CD1C: variants seen among roughly 807,000 people sequenced by gnomAD.
CD1C encodes T-cell surface glycoprotein CD1c.
CD1C carries 47 observed loss-of-function variants against 39.4 expected under a neutral mutation model. The observed-to-expected ratio is 1.19, with a 90% CI of 0.94 to 1.52. The LOEUF (loss-of-function observed/expected upper bound fraction) is 1.52. Ranked by LOEUF, CD1C falls within the 40% of genes most tolerant of loss-of-function variation. The probability of loss-of-function intolerance (pLI) is 0.00; values close to 1 mark genes in which losing one functional copy is unlikely to be tolerated. For synonymous variants in CD1C, 165 were observed against 150.8 expected, an observed-to-expected ratio of 1.09 and a Z score of -0.69; for missense variants, 417 against 395.2, an observed-to-expected ratio of 1.06 and a Z score of -0.47.
At position 158,294,253 on chromosome 1, in the gene CD1C, A is replaced by G. The variant is rs1651156400; in HGVS notation, c.*777A>G. Among the ~76,000 whole-genome samples the G allele has an allele frequency of 6.6e-6, 1 of 152,254 alleles. No homozygotes were observed. The highest frequency in any genetic ancestry group is 1.5e-5 in the Non-Finnish European group (1 of 68,036). On this transcript the variant is annotated 3_prime_UTR_variant, in exon 6 of 6. Coordinates refer to ENST00000368170, the MANE Select transcript of CD1C (RefSeq NM_001765.3). ...GGGATCAAGGCAACCGTTGTGCTGTATATGGAAGACAAATTTCCTAAAGGA... is the reference window on the plus strand; with the variant it reads ...GGGATCAAGGCAACCGTTGTGCTGTGTATGGAAGACAAATTTCCTAAAGGA...
intron 4 of CD1C, 152 bp from the exon 5 acceptor site, chr1:158,293,060 T>A: frequency 1.2e-6 from 1 of 865,934 alleles, no homozygotes; most frequent in Non-Finnish European, 1.8e-6. Context: ...AAATGAGGAA[T>A]CCTTCCTTGA....
chr1:158,294,701 C>T lies in CD1C; in HGVS notation c.*1225C>T, dbSNP rs1323486761. Reference sequence around the variant, plus strand: ...TGGCATTCTTGCAACTACTGATATACTTTATGTCACTTAAGCTTAAACTTG... The same window carrying T: ...TGGCATTCTTGCAACTACTGATATATTTTATGTCACTTAAGCTTAAACTTG... On this transcript the variant is annotated 3_prime_UTR_variant, in exon 6 of 6. Transcript: ENST00000368170. Among the ~76,000 whole-genome samples the T allele has an allele frequency of 1.3e-5, 2 of 152,182 alleles. No individual in the cohort carries two copies. Among genetic ancestry groups the T allele is most frequent in the African/African-American group, 4.8e-5 (2 of 41,442 alleles).
Position 158,293,607 on chromosome 1 carries a change from T to TA in CD1C, c.*136dup, listed in dbSNP as rs778658743. 7.5e-6 allele frequency: 12 copies of TA among 1,604,456 alleles called. No individual in the cohort carries two copies. The South Asian group carries it at 1.2e-4, about 16-fold the overall frequency. ...TTTCTGCATAATAAACATTTGTTAA[T>TA]AAAAACCAAATTCTAATTTGGAATG... On this transcript the variant is annotated 3_prime_UTR_variant, in exon 6 of 6. Transcript: ENST00000368170.
Position 158,292,669 on chromosome 1 carries a change from C to T in CD1C, c.684C>T (p.Ser228=), listed in dbSNP as rs3138103. 4.0e-3 allele frequency: 6,505 copies of T among 1,613,886 alleles called. 22 individuals carry two copies. The highest frequency in any genetic ancestry group is 5.0e-3 in the Non-Finnish European group (5,903 of 1,180,030). ...SGQLLLVCHA[S]GFYPKPVWVT... ...AGCTGTTGCTGGTTTGTCATGCCTC[C>T]GGCTTCTACCCAAAGCCTGTTTGGG... Residue 228 remains serine (S), a synonymous_variant, in exon 4 of 6, where the codon TCC becomes TCT. Transcript: ENST00000368170.
At position 158,292,833 on chromosome 1, in the gene CD1C, G is replaced by T. The variant is rs139069182; in HGVS notation, c.848G>T (p.Arg283Ile). 1.2e-6 allele frequency: 2 copies of T among 1,614,100 alleles called. No individual in the cohort carries two copies. The highest frequency in any genetic ancestry group is 1.7e-5 in the Admixed American group (1 of 60,004). ...CCTGCTGGCCTGTCTTGTCGAGTGA[G>T]ACACAGCAGTCTAGGAGGCCAGGAC... is the stretch of plus-strand genomic sequence containing the variant. ...EEPAGLSCRV[R>I]HSSLGGQDII... The change falls in exon 4 of 6, where the codon AGA becomes ATA. Residue 283 changes from arginine (R) to isoleucine (I), a missense_variant. Coordinates refer to ENST00000368170, the MANE Select transcript of CD1C (RefSeq NM_001765.3).
chr1:158,292,200 T>C lies in CD1C; in HGVS notation c.445T>C (p.Trp149Arg), dbSNP rs375298399. 12 of 1,614,082 alleles carry C rather than the reference T, an allele frequency of 7.4e-6. No homozygotes were observed. The highest frequency in any genetic ancestry group is 7.6e-6 in the Non-Finnish European group (9 of 1,180,040). ...TTTACTGAGTTTCCAGAATACAACA[T>C]GGGTGCCATCTCCAGGCTGTGGAAG... is the stretch of plus-strand genomic sequence containing the variant. ...LDLLSFQNTT[W>R]VPSPGCGSLA... The change falls in exon 3 of 6, where the codon TGG (tryptophan) becomes CGG (arginine). Residue 149 changes from tryptophan (W) to arginine (R), a missense_variant. Physicochemically the swap from Trp to Arg is moderately radical, Grantham distance 101. Coordinates refer to ENST00000368170, the MANE Select transcript of CD1C (RefSeq NM_001765.3).
intron 1 of CD1C, among the ~76,000 whole-genome samples, chr1:158,290,326 G>A (rs1650990741): frequency 6.6e-6 from 1 of 152,148 alleles, no homozygotes; most frequent in South Asian, 2.1e-4. Flanking sequence ...AGTCATTAAT[G>A]TTTCTCTGTG....
intron 3 of CD1C, 112 bp downstream of exon 3, chr1:158,292,477 G>A (rs1044747673): frequency 1.3e-6 from 2 of 1,486,942 alleles, no homozygotes; most frequent in Non-Finnish European, 1.8e-6. Flanking sequence ...GGGGGTTGCT[G>A]GGTAATAGTT....
In CD1C at chr1:158,292,069, C is replaced by T. The variant is rs754153474; in HGVS notation, c.329-15C>T. The stretch of plus-strand genomic sequence containing the variant: ...TTTTGTTTGAACTCTTTTTCTCATT[C>T]CTCCCTTCCTCCAGATCCCTTTGAA... On this transcript the variant is annotated splice_polypyrimidine_tract_variant and intron_variant, in intron 2 of 5. Transcript: ENST00000368170. 1.7e-5 allele frequency: 27 copies of T among 1,594,912 alleles called. No homozygotes were observed. Among genetic ancestry groups the T allele is most frequent in the Non-Finnish European group, 2.3e-5 (27 of 1,173,616 alleles).
In CD1C at chr1:158,293,483, TC is replaced by T; in HGVS notation, c.*12del. ...ATATCAGGACATCCTGTGAGACTCT[TC>T]CCCCTGACTCCCCCATTGTGTTAAG... On this transcript the variant is annotated 3_prime_UTR_variant, in exon 6 of 6. Coordinates refer to ENST00000368170, the MANE Select transcript of CD1C (RefSeq NM_001765.3). 22 of 1,614,050 alleles carry T rather than the reference TC, an allele frequency of 1.4e-5. No homozygotes were observed. Among genetic ancestry groups the T allele is most frequent in the Non-Finnish European group, 1.8e-5 (21 of 1,179,986 alleles).
intron 1 of CD1C, among the ~76,000 whole-genome samples, chr1:158,290,828 G>C (rs1052167058): frequency 6.6e-6 from 1 of 152,178 alleles, no homozygotes; most frequent in African/African-American, 2.4e-5. Context: ...TGACAATGCA[G>C]ATAGTATGAA....
chr1:158,291,802 G>C (rs181911285), intron 2 of CD1C, among the ~76,000 whole-genome samples: 323 of 151,982 alleles, frequency 2.1e-3, no homozygotes, highest in African/African-American at 7.6e-3. Flanking sequence ...CCTCACAAAG[G>C]CTCCCCCTTC....
chr1:158,290,804 C>T lies in CD1C; in HGVS notation c.62-330C>T, dbSNP rs1651006394. 2.6e-5 allele frequency among the ~76,000 whole-genome samples: 4 copies of T among 152,316 alleles called. No homozygotes were observed. In the South Asian group the frequency reaches 8.3e-4, roughly 32 times the overall value. On this transcript the variant is annotated intron_variant, in intron 1 of 5. Coordinates refer to ENST00000368170, the MANE Select transcript of CD1C (RefSeq NM_001765.3). ...TCTGTAGTTTCCGCTGCTAGTTCTT[C>T]TCCTCCCCGGTGGTGACAATGCAGA...
chr1:158,293,263 T>C lies in CD1C; in HGVS notation c.941T>C (p.Val314Ala). Residue 314 changes from valine (V) to alanine (A), a missense_variant, in exon 5 of 6, where the codon GTG (valine) becomes GCG (alanine). Val to Ala is a moderately conservative substitution (Grantham distance 64). Transcript: ENST00000368170. The stretch of plus-strand genomic sequence containing the variant: ...GCCTTGGTAGTGATAGTGCCCTTGG[T>C]GATTCTAATAGTCCTTGTGTTATGG... ...WIALVVIVPLVILIVLVLWFK... is the reference protein window; with the variant it reads ...WIALVVIVPLAILIVLVLWFK... 6.8e-6 allele frequency: 11 copies of C among 1,614,170 alleles called. No individual in the cohort carries two copies. The highest frequency in any genetic ancestry group is 9.3e-6 in the Non-Finnish European group (11 of 1,179,998).
chr1:158,292,022 T>A, intron 2 of CD1C, 62 bp from the exon 3 acceptor site: 2 of 1,520,530 alleles, frequency 1.3e-6, no homozygotes, highest in Non-Finnish European at 1.8e-6. Flanking sequence ...AGCCCTAGGT[T>A]TTTATACTGT....
chr1:158,294,755 A>G lies in CD1C; in HGVS notation c.*1279A>G, dbSNP rs1557803282. ...TTTCTATGATTTTATTAAGATGGAA[A>G]TAAACATATCTACTTGGTATTGCCT... On this transcript the variant is annotated 3_prime_UTR_variant, in exon 6 of 6. Coordinates refer to ENST00000368170, the MANE Select transcript of CD1C (RefSeq NM_001765.3). Among the ~76,000 whole-genome samples the G allele has an allele frequency of 6.6e-6, 1 of 152,236 alleles. No individual in the cohort carries two copies. Among genetic ancestry groups the G allele is most frequent in the Non-Finnish European group, 1.5e-5 (1 of 68,034 alleles).
In CD1C at chr1:158,293,917, T is replaced by C. The variant is rs1651144728; in HGVS notation, c.*441T>C. On this transcript the variant is annotated 3_prime_UTR_variant, in exon 6 of 6. Transcript: ENST00000368170. ...CATATCTAAGTTGGATTAACTGTCA[T>C]GTTGACAATTTTTCTCATTATATTC... Among the ~76,000 whole-genome samples, 1 of 152,232 alleles carries C rather than the reference T, an allele frequency of 6.6e-6. No homozygotes were observed. Among genetic ancestry groups the C allele is most frequent in the South Asian group, 2.1e-4 (1 of 4,834 alleles).
chr1:158,292,494 A>G, intron 3 of CD1C, 102 bp from the exon 4 acceptor site: 2 of 1,491,258 alleles, frequency 1.3e-6, no homozygotes, highest in South Asian at 1.3e-5. Context: ...AGTTTCTTAG[A>G]GGCAGGAAAA....
chr1:158,293,714 T>C lies in CD1C; in HGVS notation c.*238T>C. 2 of 947,642 alleles carry C rather than the reference T, an allele frequency of 2.1e-6. No homozygotes were observed. The highest frequency in any genetic ancestry group is 3.2e-6 in the Non-Finnish European group (2 of 627,526). The allele number at this position is 947,642 out of a possible 1,614,324, so 58.7% of individuals were successfully genotyped here. On this transcript the variant is annotated 3_prime_UTR_variant, in exon 6 of 6. Transcript: ENST00000368170. ...ATGTCATTTCCTCCAACGATCTTCCTTGACCCATACTGAACCCAGAGAGCC... is the reference window on the plus strand; with the variant it reads ...ATGTCATTTCCTCCAACGATCTTCCCTGACCCATACTGAACCCAGAGAGCC...
Sources: gnomAD v4.1 joint callset for allele counts (sites outside exome capture counted in the v4.1 genomes callset) on GRCh38, gnomAD v4.1.1 for gene constraint, MANE v1.5 for transcripts, NCBI Gene and HGNC (gene_info 2026-07-23, HGNC 2026-07-21) for gene names.